Variants in CLEC2A observed in about 807,000 individuals in gnomAD.
CLEC2A encodes C-type lectin domain family 2 member A.
A neutral mutation model predicts 18.6 loss-of-function variants in CLEC2A; 19 were observed. That is an observed-to-expected ratio of 1.02 (90% CI 0.71 to 1.50). The LOEUF (loss-of-function observed/expected upper bound fraction) is 1.50, where lower values mean the gene tolerates loss of function less well. Ranked by LOEUF, CLEC2A falls within the 40% of genes most tolerant of loss-of-function variation. The pLI, the probability that CLEC2A is intolerant of heterozygous loss-of-function variation, is 0.00. For missense variants in CLEC2A, 190 were observed against 207.9 expected (o/e 0.91, Z 0.53); for synonymous variants, 74 against 64.0 (o/e 1.16, Z -0.75).
chr12:9,895,799 C>T (rs187726382), downstream of CLEC2A: 204 of 1,534,806 alleles, frequency 1.3e-4, no homozygotes, highest in East Asian at 3.4e-3. Context: ...CAGAGAGATG[C>T]GATCTTGACG....
chr12:9,880,334 G>A, the CLEC2A span, among the ~76,000 whole-genome samples: 1 of 152,120 alleles, frequency 6.6e-6, no homozygotes, highest in African/African-American at 2.4e-5. Context: ...GAATGGACGC[G>A]GCGTGTGTAA....
rs551218147 is a variant in CLEC2A, at chr12:9,913,347, T to G, written c.*219A>C. The stretch of plus-strand genomic sequence containing the variant: ...TGATTAGTTCATGAGGATGGAGCCA[T>G]AGTAAATGTGATTGTGCCCTTATAA... On this transcript the variant is annotated 3_prime_UTR_variant, in exon 5 of 5. Transcript: ENST00000455827. 14 of 637,190 alleles carry G rather than the reference T, an allele frequency of 2.2e-5. No homozygotes were observed. The highest frequency in any genetic ancestry group is 3.7e-5 in the Admixed American group (1 of 26,894). 39.5% of individuals were successfully genotyped at this position (637,190 alleles called of 1,614,324 possible).
chr12:9,890,133 T>C, the CLEC2A span, among the ~76,000 whole-genome samples: 3 of 152,178 alleles, frequency 2.0e-5, no homozygotes, highest in Non-Finnish European at 2.9e-5. Flanking sequence ...TATTATACCA[T>C]TGAATATTTA....
At chr12:9,897,620 C>A (rs1387260526), downstream of CLEC2A, among the ~76,000 whole-genome samples, 1 of 151,528 alleles carries the variant, frequency 6.6e-6, no homozygotes, top group African/African-American at 2.4e-5. Flanking sequence ...AGATTGAATA[C>A]CAGGCGATCA....
At chr12:9,893,149 T>C in the CLEC2A span, 3 of 1,532,662 alleles carry the variant, frequency 2.0e-6, no homozygotes, top group Admixed American at 5.9e-5. Context: ...TTACTGGTGA[T>C]TCAAAATTTG....
chr12:9,910,455 G>A (rs1164659093), downstream of CLEC2A, among the ~76,000 whole-genome samples: 2 of 151,978 alleles, frequency 1.3e-5, no homozygotes, highest in African/African-American at 2.4e-5. Flanking sequence ...GAGATTTCTT[G>A]CCCTCCCTTC....
At chr12:9,905,990 A>G (rs1862901522) in intron 4 of CLEC2A, among the ~76,000 whole-genome samples, 1 of 149,746 alleles carries the variant, frequency 6.7e-6, no homozygotes, top group Non-Finnish European at 1.5e-5. Flanking sequence ...TCTTCCCCCA[A>G]GTGGTGATTT....
At chr12:9,932,141 T>C in intron 1 of CLEC2A, 134 bp downstream of exon 1, 1 of 648,482 alleles carries the variant, frequency 1.5e-6, no homozygotes, top group Non-Finnish European at 2.7e-6. Flanking sequence ...TCCACAATTC[T>C]CCGGAAGTGC....
At chr12:9,896,821 A>AT (rs1862761596), downstream of CLEC2A, among the ~76,000 whole-genome samples, 1 of 149,122 alleles carries the variant, frequency 6.7e-6, no homozygotes, top group Non-Finnish European at 1.5e-5. Flanking sequence ...ATCTGCTTTT[A>AT]TTTTTATCAG....
the CLEC2A span, among the ~76,000 whole-genome samples, chr12:9,887,328 A>G: frequency 6.6e-6 from 1 of 152,202 alleles, no homozygotes; most frequent in Non-Finnish European, 1.5e-5. Context: ...TCAGAACACC[A>G]TGAGTAAAAA....
At chr12:9,903,708 A>G (rs967630957) in intron 4 of CLEC2A, among the ~76,000 whole-genome samples, 1 of 152,156 alleles carries the variant, frequency 6.6e-6, no homozygotes. Flanking sequence ...ATAGTTAACA[A>G]ATTGTTGCTG....
chr12:9,885,746 T>G, the CLEC2A span, among the ~76,000 whole-genome samples: 1 of 152,188 alleles, frequency 6.6e-6, no homozygotes, highest in South Asian at 2.1e-4. Flanking sequence ...GTATTTTTTC[T>G]CTAAATATCA....
chr12:9,902,837 C>T (rs1055392397), intron 4 of CLEC2A, among the ~76,000 whole-genome samples: 1 of 152,100 alleles, frequency 6.6e-6, no homozygotes, highest in African/African-American at 2.4e-5. Context: ...CTGTATCATT[C>T]CCCATTGGCT....
chr12:9,899,120 T>TAA lies in CLEC2A; in HGVS notation c.411-146_411-145dup, dbSNP rs34475829. On this transcript the variant is annotated intron_variant, in intron 4 of 4. Coordinates refer to the CLEC2A transcript ENST00000339766. ...AGAGGCAGGCGAAAAGCCCTACTAG[T>TAA]AAAAAAAAAAAAAAATTACCCTTTT... The TAA allele has an allele frequency of 9.6e-4, 437 of 453,178 alleles. 2 individuals are homozygous for TAA. Among genetic ancestry groups the TAA allele is most frequent in the African/African-American group, 4.6e-3 (225 of 48,578 alleles). 28.1% of individuals were successfully genotyped at this position (453,178 alleles called of 1,614,324 possible).
At chr12:9,886,539 T>C in the CLEC2A span, among the ~76,000 whole-genome samples, 1 of 152,106 alleles carries the variant, frequency 6.6e-6, no homozygotes, top group Non-Finnish European at 1.5e-5. Flanking sequence ...AAGGCAGGGC[T>C]CCATTTCAGA....
At chr12:9,923,044 C>G (rs1863200218) in intron 2 of CLEC2A, among the ~76,000 whole-genome samples, 1 of 152,070 alleles carries the variant, frequency 6.6e-6, no homozygotes. Context: ...TTTTGTTAAA[C>G]TTTAAGTTCT....
At position 9,913,694 on chromosome 12, in the gene CLEC2A, C is replaced by G; in HGVS notation, c.411-14G>C. Reference sequence around the variant, plus strand: ...ATAATTTCAAACCTGAAAAAGAACACTCTAAATCAGTCTGGGAACCACTTA... The same window carrying G: ...ATAATTTCAAACCTGAAAAAGAACAGTCTAAATCAGTCTGGGAACCACTTA... On this transcript the variant is annotated splice_polypyrimidine_tract_variant and intron_variant, in intron 4 of 4. Transcript: ENST00000455827. 3 of 1,499,156 alleles carry G rather than the reference C, an allele frequency of 2.0e-6. No individual in the cohort carries two copies. The highest frequency in any genetic ancestry group is 1.8e-6 in the Non-Finnish European group (2 of 1,112,570). 92.9% of individuals were successfully genotyped at this position (1,499,156 alleles called of 1,614,324 possible).
the CLEC2A span, among the ~76,000 whole-genome samples, chr12:9,879,256 G>A: frequency 6.6e-6 from 1 of 152,166 alleles, no homozygotes; most frequent in South Asian, 2.1e-4. Context: ...AACTTAGCCC[G>A]TATTTTCAGA....
the CLEC2A span, chr12:9,881,790 TTGTC>T: frequency 1.3e-6 from 1 of 743,156 alleles, no homozygotes; most frequent in South Asian, 1.9e-5. Context: ...TGGTCATAAA[TTGTC>T]TGTTAGATTA....
Sources: gnomAD v4.1 joint callset for allele counts (sites outside exome capture counted in the v4.1 genomes callset) on GRCh38, gnomAD v4.1.1 for gene constraint, MANE v1.5 for transcripts, NCBI Gene and HGNC (gene_info 2026-07-23, HGNC 2026-07-21) for gene names.